MSI2: variants seen among roughly 807,000 people sequenced by gnomAD.
The protein encoded by MSI2 is RNA-binding protein Musashi homolog 2.
MSI2 carries 17 observed loss-of-function variants against 45.6 expected under a neutral mutation model. The observed-to-expected ratio is 0.37, with a 90% CI of 0.26 to 0.56. The LOEUF (loss-of-function observed/expected upper bound fraction) is 0.56. MSI2 is among the 20% of genes least tolerant of loss of function. MSI2 has a pLI of 0.77. For synonymous variants in MSI2, 156 were observed against 158.2 expected (o/e 0.99, Z 0.11); for missense variants, 293 against 444.2 (o/e 0.66, Z 3.06).
intron 11 of MSI2, among the ~76,000 whole-genome samples, chr17:57,659,234 TTG>T (rs1274784584): frequency 6.6e-6 from 1 of 151,832 alleles, no homozygotes; most frequent in Non-Finnish European, 1.5e-5. Flanking sequence ...TTTGGTTTTT[TTG>T]TGTGTTTTTT....
chr17:57,380,265 C>G (rs1488206130), intron 5 of MSI2, among the ~76,000 whole-genome samples: 1 of 152,204 alleles, frequency 6.6e-6, no homozygotes, highest in African/African-American at 2.4e-5. Flanking sequence ...AGGCCCTGTT[C>G]TACGTCTGGA....
At chr17:57,312,364 T>A (rs1394781621) in intron 5 of MSI2, among the ~76,000 whole-genome samples, 1 of 152,184 alleles carries the variant, frequency 6.6e-6, no homozygotes, top group Non-Finnish European at 1.5e-5. Context: ...AACTGCCAAC[T>A]GGAGGAAACC....
At chr17:57,258,438 T>A (rs1045459528) in intron 4 of MSI2, 84 bp downstream of exon 4, 25 of 1,116,006 alleles carry the variant, frequency 2.2e-5, no homozygotes, top group Non-Finnish European at 3.4e-5. Context: ...GACAGTGCCT[T>A]CTTTTGCTTC....
In MSI2 at chr17:57,407,179, A is replaced by C. The variant is rs2084098874; in HGVS notation, c.405+5708A>C. The C allele has an allele frequency of 6.6e-6, 1 of 152,050 alleles. No homozygotes were observed. The highest frequency in any genetic ancestry group is 2.4e-5 in the African/African-American group (1 of 41,394). The allele number at this position is 152,050 out of a possible 1,614,324, so 9.4% of individuals were successfully genotyped here. On this transcript the variant is annotated intron_variant, in intron 6 of 13. Coordinates refer to ENST00000284073, the MANE Select transcript of MSI2 (RefSeq NM_138962.4). The surrounding 1 kb of genome is among the most constrained non-coding windows in gnomAD (Gnocchi z 4.1). ...AAAACAAGAGTGAATTGTTTTTTTT[A>C]ATGTAATGAGACCTTCCCGTTTATC...
intron 6 of MSI2, among the ~76,000 whole-genome samples, chr17:57,474,222 G>A (rs979059396): frequency 1.3e-5 from 2 of 152,156 alleles, no homozygotes; most frequent in Non-Finnish European, 2.9e-5. Context: ...TAGCAGTTGG[G>A]TCTAGACGTG....
intron 5 of MSI2, among the ~76,000 whole-genome samples, chr17:57,291,792 T>C (rs1379060344): frequency 6.6e-6 from 1 of 152,056 alleles, no homozygotes; most frequent in East Asian, 1.9e-4. Flanking sequence ...GCCTATTGAA[T>C]AGGTTTTTTT....
At chr17:57,526,858 C>T (rs920439850) in intron 6 of MSI2, among the ~76,000 whole-genome samples, 6 of 151,994 alleles carry the variant, frequency 3.9e-5, no homozygotes, top group Non-Finnish European at 7.4e-5. Context: ...GAGGTCTTTG[C>T]GAGCCCCATT....
At chr17:57,429,926 C>G (rs1485107535) in intron 6 of MSI2, among the ~76,000 whole-genome samples, 1 of 152,152 alleles carries the variant, frequency 6.6e-6, no homozygotes, top group African/African-American at 2.4e-5. Context: ...CATCACTTCC[C>G]AAGTGTGTGA....
chr17:57,602,991 A>G (rs1389518728), intron 8 of MSI2, among the ~76,000 whole-genome samples: 1 of 152,224 alleles, frequency 6.6e-6, no homozygotes, highest in Non-Finnish European at 1.5e-5. Flanking sequence ...TGTGGGTCAT[A>G]AATTGCCCAG....
chr17:57,553,327 T>A (rs2087350883), intron 7 of MSI2, among the ~76,000 whole-genome samples: 1 of 152,218 alleles, frequency 6.6e-6, no homozygotes, highest in Non-Finnish European at 1.5e-5. Context: ...GTATCATCTT[T>A]CACTCGGCAA....
intron 6 of MSI2, among the ~76,000 whole-genome samples, chr17:57,454,174 G>A (rs2085068562): frequency 6.6e-6 from 1 of 152,202 alleles, no homozygotes; most frequent in Non-Finnish European, 1.5e-5. Flanking sequence ...GTATGTTATT[G>A]AAATGATGGA....
At chr17:57,303,123 A>G (rs1177306681) in intron 5 of MSI2, among the ~76,000 whole-genome samples, 5 of 152,290 alleles carry the variant, frequency 3.3e-5, no homozygotes, top group African/African-American at 7.2e-5. Context: ...CCAAATCTCA[A>G]TGAGGGACCC....
rs528493992 is a variant in MSI2, at chr17:57,627,651, C to G, written c.727+348C>G. On this transcript the variant is annotated intron_variant, in intron 10 of 13. Coordinates refer to ENST00000284073, the MANE Select transcript of MSI2 (RefSeq NM_138962.4). The surrounding 1 kb of genome is among the most constrained non-coding windows in gnomAD (Gnocchi z 4.6). ...TCTAGGCCCAGGGCTTTCTTTCACC[C>G]TCTACCACCCCTTGCCCGCCTCCCC... The G allele has an allele frequency of 3.1e-4, 106 of 337,306 alleles. No individual in the cohort carries two copies. The highest frequency in any genetic ancestry group is 5.2e-4 in the Non-Finnish European group (95 of 182,404). The allele number at this position is 337,306 out of a possible 1,614,324, so 20.9% of individuals were successfully genotyped here. A position where few individuals can be genotyped will look rare whatever the true frequency, so the allele number is the denominator to read the frequency against.
intron 6 of MSI2, among the ~76,000 whole-genome samples, chr17:57,465,815 T>A (rs764670776): frequency 2.0e-5 from 3 of 152,204 alleles, no homozygotes; most frequent in Non-Finnish European, 2.9e-5. Flanking sequence ...ATCAGGTTTT[T>A]ATAGGCCCGA....
At chr17:57,632,483 G>A (rs966267542) in intron 10 of MSI2, 5 of 1,065,960 alleles carry the variant, frequency 4.7e-6, no homozygotes, top group Admixed American at 5.3e-5. Flanking sequence ...TGACAGGCAC[G>A]GTGGGCACCG....
At chr17:57,546,166 T>C (rs573940217) in intron 7 of MSI2, among the ~76,000 whole-genome samples, 1 of 152,328 alleles carries the variant, frequency 6.6e-6, no homozygotes, top group Admixed American at 6.5e-5. Flanking sequence ...GTCTTGTCTC[T>C]TTTGAGCCGA....
chr17:57,615,930 A>T (rs2144559552), intron 8 of MSI2, 40 bp from the exon 9 acceptor site: 1 of 1,459,242 alleles, frequency 6.9e-7, no homozygotes, highest in East Asian at 2.3e-5. Flanking sequence ...TTTACGTGGA[A>T]TTCATTTGCA....
Position 57,682,738 on chromosome 17 carries a change from C to T in MSI2, c.*3221C>T. On this transcript the variant is annotated 3_prime_UTR_variant, in exon 14 of 14. Coordinates refer to ENST00000284073, the MANE Select transcript of MSI2 (RefSeq NM_138962.4). ...AACATGGGAACCACCTTTCGCCTTC[C>T]CTGGGGGAGAAACCCTCTTGGCTGA... The T allele has an allele frequency of 4.5e-6, 1 of 221,106 alleles. No individual in the cohort carries two copies. The highest frequency in any genetic ancestry group is 6.6e-5 in the East Asian group (1 of 15,194). The allele number at this position is 221,106 out of a possible 1,614,324, so 13.7% of individuals were successfully genotyped here. A position where few individuals can be genotyped will look rare whatever the true frequency, so the allele number is the denominator to read the frequency against.
At chr17:57,406,686 A>G (rs1183170073) in intron 6 of MSI2, 3 of 152,192 alleles carry the variant, frequency 2.0e-5, no homozygotes, top group Non-Finnish European at 2.9e-5. Context: ...GGCTTTCCCC[A>G]ACAACAAAGT....
Sources: gnomAD v4.1 joint callset for allele counts (sites outside exome capture counted in the v4.1 genomes callset) on GRCh38, gnomAD v4.1.1 for gene constraint, Gnocchi (gnomAD v3.1) non-coding constraint, MANE v1.5 for transcripts, NCBI Gene and HGNC (gene_info 2026-07-23, HGNC 2026-07-21) for gene names.